The following DAPK2 variants were observed in gnomAD, a reference collection of about 807,000 sequenced individuals.
DAPK2 encodes the protein death associated protein kinase 2, also known as death-associated protein kinase 2.
A neutral mutation model predicts 44.1 loss-of-function variants in DAPK2; 35 were observed. The ratio of observed to expected loss-of-function variants is 0.79; its 90% CI spans 0.61 to 1.05. DAPK2 has a LOEUF of 1.05. DAPK2 is among the 50% of genes least tolerant of loss of function. The pLI is 0.00. For synonymous variants in DAPK2, 174 were observed against 182.6 expected (o/e 0.95, Z 0.38); for missense variants, 453 against 483.2 (o/e 0.94, Z 0.59).
At chr15:63,995,569 G>A (rs985560658) in intron 1 of DAPK2, among the ~76,000 whole-genome samples, 2 of 152,194 alleles carry the variant, frequency 1.3e-5, no homozygotes, top group African/African-American at 4.8e-5. Flanking sequence ...GAGCAATTCT[G>A]TGCCTCAGTG....
At chr15:63,941,985 G>C (rs2077321862) in intron 3 of DAPK2, among the ~76,000 whole-genome samples, 1 of 152,228 alleles carries the variant, frequency 6.6e-6, no homozygotes, top group Admixed American at 6.5e-5. Context: ...CTCTCCTCCA[G>C]GGAAAAGACA....
chr15:63,999,696 C>T (rs2079034201), intron 1 of DAPK2, among the ~76,000 whole-genome samples: 2 of 152,074 alleles, frequency 1.3e-5, no homozygotes, highest in South Asian at 4.1e-4. Context: ...CCTCTCCCAC[C>T]CTAGCTCTGC....
intron 3 of DAPK2, among the ~76,000 whole-genome samples, chr15:63,965,860 C>T (rs1165304882): frequency 2.6e-5 from 4 of 152,210 alleles, no homozygotes; most frequent in Non-Finnish European, 5.9e-5. Context: ...AGTGGGCTCC[C>T]CTTTGGCCCA....
chr15:63,934,624 C>A (rs1199533306), intron 4 of DAPK2, among the ~76,000 whole-genome samples: 1 of 152,130 alleles, frequency 6.6e-6, no homozygotes, highest in Non-Finnish European at 1.5e-5. Context: ...GTGGTGTTAT[C>A]TCAGCTCTGT....
At chr15:63,931,551 G>T (rs2079555592) in intron 4 of DAPK2, among the ~76,000 whole-genome samples, 1 of 152,166 alleles carries the variant, frequency 6.6e-6, no homozygotes, top group Admixed American at 6.5e-5. Context: ...GTCTGAAAGA[G>T]GGTACCTCCC....
rs528495868 is a variant in DAPK2, at chr15:63,924,231, C to T, written c.858+585G>A. ...GGAAAGCCAGCAGGAAGCCCGACTG[C>T]AAGGCGAGTTAGGCAGGGATTCATT... On this transcript the variant is annotated intron_variant, in intron 8 of 10. Coordinates refer to ENST00000261891, the Ensembl canonical transcript of DAPK2. 5.6e-4 allele frequency among the ~76,000 whole-genome samples: 85 copies of T among 152,304 alleles called. 1 individual carries two copies. The South Asian group carries it at 0.017, about 30-fold the overall frequency.
chr15:63,923,491 C>A lies in DAPK2; in HGVS notation c.858+1325G>T, dbSNP rs2079147573. ...GGGGAGAACCAGGGTGGGATGAGCACCTCCTTAGGCCATAAGTGAGGTCAA... is the reference window on the plus strand; with the variant it reads ...GGGGAGAACCAGGGTGGGATGAGCAACTCCTTAGGCCATAAGTGAGGTCAA... On this transcript the variant is annotated intron_variant, in intron 8 of 10. Transcript: ENST00000261891. The surrounding 1 kb of genome is among the most constrained non-coding windows in gnomAD (Gnocchi z 4.2). 1.4e-6 allele frequency: 2 copies of A among 1,393,714 alleles called. No individual in the cohort carries two copies. Among genetic ancestry groups the A allele is most frequent in the South Asian group, 3.0e-5 (2 of 67,174 alleles). The allele number at this position is 1,393,714 out of a possible 1,614,324, so 86.3% of individuals were successfully genotyped here. A position where few individuals can be genotyped will look rare whatever the true frequency, so the allele number is the denominator to read the frequency against.
chr15:63,986,001 G>A (rs1223542309), intron 1 of DAPK2, among the ~76,000 whole-genome samples: 1 of 152,234 alleles, frequency 6.6e-6, no homozygotes, highest in Non-Finnish European at 1.5e-5. Context: ...GAGAGTGGGT[G>A]ACTACGATGG....
At chr15:63,982,867 G>A (rs925129830) in intron 2 of DAPK2, among the ~76,000 whole-genome samples, 1 of 152,174 alleles carries the variant, frequency 6.6e-6, no homozygotes, top group Non-Finnish European at 1.5e-5. Flanking sequence ...ATTAAATAAG[G>A]TACAGAAGTA....
At chr15:64,017,980 T>C (rs2079576956) in intron 1 of DAPK2, among the ~76,000 whole-genome samples, 1 of 152,172 alleles carries the variant, frequency 6.6e-6, no homozygotes. Flanking sequence ...GGCACGACTC[T>C]AGAGAACCAC....
At chr15:63,965,148 T>TC (rs1386038380) in intron 3 of DAPK2, among the ~76,000 whole-genome samples, 3 of 152,240 alleles carry the variant, frequency 2.0e-5, no homozygotes, top group African/African-American at 7.2e-5. Context: ...TTTTGGTCAC[T>TC]CCAGCCAAAT....
At chr15:63,999,318 G>A (rs571439664) in intron 1 of DAPK2, among the ~76,000 whole-genome samples, 12 of 152,326 alleles carry the variant, frequency 7.9e-5, no homozygotes, top group African/African-American at 2.4e-4. Flanking sequence ...TCCAGGGCAC[G>A]TGGGGACTGG....
chr15:63,949,120 T>C (rs1372689305), intron 3 of DAPK2, among the ~76,000 whole-genome samples: 1 of 152,058 alleles, frequency 6.6e-6, no homozygotes, highest in African/African-American at 2.4e-5. Context: ...CTCCATGTTT[T>C]TCCCAGAAAA....
At chr15:63,929,786 C>G (rs762682086) in intron 5 of DAPK2, 1 of 685,502 alleles carries the variant, frequency 1.5e-6, no homozygotes, top group Non-Finnish European at 2.7e-6. Context: ...ACCCTGAGTC[C>G]GAAGACCCAA....
chr15:63,981,790 C>T (rs1164064288), intron 2 of DAPK2, among the ~76,000 whole-genome samples: 2 of 152,016 alleles, frequency 1.3e-5, no homozygotes, highest in African/African-American at 4.8e-5. Flanking sequence ...TCACGCAGGG[C>T]AGGCATCCAG....
intron 2 of DAPK2, among the ~76,000 whole-genome samples, chr15:63,982,815 T>G (rs1318643495): frequency 6.6e-6 from 1 of 152,170 alleles, no homozygotes; most frequent in Non-Finnish European, 1.5e-5. Flanking sequence ...GTCTGTAAAA[T>G]GGGGATAATA....
At chr15:63,971,822 G>T (rs1188125577) in intron 2 of DAPK2, among the ~76,000 whole-genome samples, 1 of 152,184 alleles carries the variant, frequency 6.6e-6, no homozygotes, top group Non-Finnish European at 1.5e-5. Context: ...CCCACTCTAG[G>T]CCCTGGTCCC....
intron 5 of DAPK2, among the ~76,000 whole-genome samples, chr15:63,930,073 G>C (rs182500274): frequency 6.6e-6 from 1 of 152,174 alleles, no homozygotes; most frequent in Non-Finnish European, 1.5e-5. Context: ...GACTTGGTTG[G>C]CTGACTGAGC....
rs1249567842 is a variant in DAPK2 at position 63,916,877 on chromosome 15, C to A, written c.859-4680G>T. On this transcript the variant is annotated intron_variant, in intron 8 of 10. Transcript: ENST00000261891. This position sits in a 1 kb window ranked among gnomAD's most constrained non-coding sequence, Gnocchi z 4.7. ...TTCTTCCTTTTGTACTGTTATAAAA[C>A]CCAAGAGACTTGAGAGACGTAGCAA... is the stretch of plus-strand genomic sequence containing the variant. 6.6e-6 allele frequency: 1 copy of A among 152,182 alleles called. No homozygotes were observed. The highest frequency in any genetic ancestry group is 1.5e-5 in the Non-Finnish European group (1 of 68,062). The allele number at this position is 152,182 out of a possible 1,614,324, so 9.4% of individuals were successfully genotyped here. A position where few individuals can be genotyped will look rare whatever the true frequency, so the allele number is the denominator to read the frequency against.
Sources: allele counts gnomAD v4.1 joint callset (sites outside exome capture counted in the v4.1 genomes callset), GRCh38; gene constraint gnomAD v4.1.1; non-coding constraint Gnocchi (gnomAD v3.1); transcripts MANE v1.5; gene names NCBI Gene and HGNC (gene_info 2026-07-23, HGNC 2026-07-21).